Variants in PRKCA observed in about 807,000 individuals in gnomAD.
PRKCA encodes protein kinase C alpha, also known as protein kinase C alpha type.
In PRKCA, 27 loss-of-function variants were observed where a neutral mutation model predicts 87.0. That is an observed-to-expected ratio of 0.31 (90% CI 0.23 to 0.43). The LOEUF (loss-of-function observed/expected upper bound fraction) is 0.43. Ranked by LOEUF, PRKCA falls within the 20% of genes least tolerant of loss-of-function variation. The pLI, the probability that PRKCA is intolerant of heterozygous loss-of-function variation, is 1.00. For synonymous variants in PRKCA, 329 were observed against 311.1 expected (o/e 1.06, Z -0.61); for missense variants, 518 against 852.3 (o/e 0.61, Z 4.88).
chr17:66,450,824 G>A (rs1243751681), intron 2 of PRKCA, among the ~76,000 whole-genome samples: 1 of 152,170 alleles, frequency 6.6e-6, no homozygotes, highest in Non-Finnish European at 1.5e-5. Context: ...AAGCTGTGCT[G>A]AATTATTTTT....
chr17:66,755,914 C>A lies in PRKCA; in HGVS notation c.1524+13154C>A, dbSNP rs199645376. ...TGGAAAAATGAGGTAACAGGGCAAA[C>A]CACTGTCCCCAAAATTAGACAGACA... is the stretch of plus-strand genomic sequence containing the variant. On this transcript the variant is annotated intron_variant, in intron 13 of 16. Transcript: ENST00000413366. 2.6e-5 allele frequency among the ~76,000 whole-genome samples: 4 copies of A among 152,156 alleles called. No individual in the cohort carries two copies. In the East Asian group the frequency reaches 7.7e-4, roughly 29 times the overall value.
At chr17:66,749,535 C>T (rs1974383816) in intron 13 of PRKCA, among the ~76,000 whole-genome samples, 1 of 152,204 alleles carries the variant, frequency 6.6e-6, no homozygotes. Flanking sequence ...TTTCATGGCA[C>T]TCATCCCCCT....
At chr17:66,474,904 CCA>C (rs1267886894) in intron 2 of PRKCA, among the ~76,000 whole-genome samples, 2 of 152,166 alleles carry the variant, frequency 1.3e-5, no homozygotes, top group Non-Finnish European at 2.9e-5. Flanking sequence ...GCTCTGGTGA[CCA>C]CTCAGTCCTC....
intron 3 of PRKCA, among the ~76,000 whole-genome samples, chr17:66,602,838 G>GGA (rs1305910998): frequency 6.6e-6 from 1 of 152,070 alleles, no homozygotes; most frequent in African/African-American, 2.4e-5. Flanking sequence ...TGTGCGCTGT[G>GGA]GGGGAGCCAT....
Position 66,512,457 on chromosome 17 carries a change from A to AGTGTGTGT in PRKCA, c.288+16201_288+16208dup, listed in dbSNP as rs71160573. 4.0e-3 allele frequency among the ~76,000 whole-genome samples: 573 copies of AGTGTGTGT among 144,454 alleles called. 4 individuals are homozygous for AGTGTGTGT. The highest frequency in any genetic ancestry group is 0.026 in the South Asian group (111 of 4,298). 94.8% of individuals were successfully genotyped at this position (144,454 alleles called of 152,430 possible). A position where few individuals can be genotyped will look rare whatever the true frequency, so the allele number is the denominator to read the frequency against. On this transcript the variant is annotated intron_variant, in intron 3 of 16. Coordinates refer to ENST00000413366, the MANE Select transcript of PRKCA (RefSeq NM_002737.3). ...CCCTGTCTCCAACAACAACAAAAAA[A>AGTGTGTGT]GTGTGTGTGTGTGTGTGTGTGTGTG...
chr17:66,401,537 T>C (rs75901839), intron 2 of PRKCA, among the ~76,000 whole-genome samples: 1,897 of 152,258 alleles, frequency 0.012, 11 homozygotes, highest in South Asian at 0.029. Context: ...ACGCATTCAG[T>C]GATGTGGACG....
intron 2 of PRKCA, among the ~76,000 whole-genome samples, chr17:66,411,526 T>C (rs1911805077): frequency 6.6e-6 from 1 of 152,214 alleles, no homozygotes; most frequent in Admixed American, 6.5e-5. Context: ...ACAGCTATTC[T>C]CAAGGCATGG....
Position 66,375,471 on chromosome 17 carries a change from A to G in PRKCA, c.205+69344A>G, listed in dbSNP as rs138417515. On this transcript the variant is annotated intron_variant, in intron 2 of 16. Coordinates refer to ENST00000413366, the MANE Select transcript of PRKCA (RefSeq NM_002737.3). ...TGGAAGTGGAGTCGATGGTGCTTCTAGCTGATCCCCTTACCTCTGAATTTT... is the reference window on the plus strand; with the variant it reads ...TGGAAGTGGAGTCGATGGTGCTTCTGGCTGATCCCCTTACCTCTGAATTTT... Among the ~76,000 whole-genome samples the G allele has an allele frequency of 3.9e-5, 6 of 152,194 alleles. No homozygotes were observed. In the East Asian group the frequency reaches 1.2e-3, roughly 29 times the overall value.
chr17:66,473,478 C>G (rs1459125107), intron 2 of PRKCA, among the ~76,000 whole-genome samples: 1 of 152,200 alleles, frequency 6.6e-6, no homozygotes, highest in East Asian at 1.9e-4. Flanking sequence ...AAGAGGGTGT[C>G]TTGCAGCCTA....
At chr17:66,658,267 G>T (rs1971791766) in intron 5 of PRKCA, among the ~76,000 whole-genome samples, 1 of 152,096 alleles carries the variant, frequency 6.6e-6, no homozygotes, top group Non-Finnish European at 1.5e-5. Context: ...ATCACCTGAG[G>T]TCAAGAGTTC....
At chr17:66,376,796 C>G (rs1375380433) in intron 2 of PRKCA, among the ~76,000 whole-genome samples, 1 of 151,916 alleles carries the variant, frequency 6.6e-6, no homozygotes, top group Non-Finnish European at 1.5e-5. Flanking sequence ...GTGGGGGTCC[C>G]CATGTAAGTC....
intron 3 of PRKCA, among the ~76,000 whole-genome samples, chr17:66,596,092 T>C (rs894968672): frequency 2.6e-5 from 4 of 152,194 alleles, no homozygotes; most frequent in Non-Finnish European, 4.4e-5. Context: ...GGCTAGCACG[T>C]TGTCAGCAAC....
At chr17:66,332,704 T>TG (rs1357582186) in intron 2 of PRKCA, among the ~76,000 whole-genome samples, 1 of 151,242 alleles carries the variant, frequency 6.6e-6, no homozygotes, top group African/African-American at 2.4e-5. Flanking sequence ...AATTTTTTTT[T>TG]TTTTTGAGAT....
At chr17:66,571,376 C>G (rs908271569) in intron 3 of PRKCA, among the ~76,000 whole-genome samples, 1 of 152,036 alleles carries the variant, frequency 6.6e-6, no homozygotes, top group African/African-American at 2.4e-5. Flanking sequence ...TCGGTATATA[C>G]AAATATGTTT....
intron 2 of PRKCA, among the ~76,000 whole-genome samples, chr17:66,330,053 T>C (rs1906231511): frequency 1.3e-5 from 2 of 152,114 alleles, no homozygotes; most frequent in Admixed American, 1.3e-4. Flanking sequence ...GCTGGTCTGT[T>C]GGGTACTAAT....
At chr17:66,571,301 C>A (rs1009952979) in intron 3 of PRKCA, among the ~76,000 whole-genome samples, 8 of 152,178 alleles carry the variant, frequency 5.3e-5, no homozygotes, top group African/African-American at 1.9e-4. Flanking sequence ...GTTGAATATA[C>A]AGGAGAGGTG....
At chr17:66,443,691 G>A (rs1401297229) in intron 2 of PRKCA, among the ~76,000 whole-genome samples, 1 of 152,160 alleles carries the variant, frequency 6.6e-6, no homozygotes, top group Non-Finnish European at 1.5e-5. Context: ...TAGTCCTCAC[G>A]ATGACATGTG....
intron 3 of PRKCA, among the ~76,000 whole-genome samples, chr17:66,576,933 G>A (rs988674219): frequency 2.0e-5 from 3 of 149,734 alleles, no homozygotes; most frequent in Non-Finnish European, 4.4e-5. Flanking sequence ...GGAGTCCAGT[G>A]GTGCGATCTT....
chr17:66,800,436 A>C (rs1429655564), intron 16 of PRKCA, among the ~76,000 whole-genome samples: 1 of 152,098 alleles, frequency 6.6e-6, no homozygotes, highest in Non-Finnish European at 1.5e-5. Context: ...CCATTTTATC[A>C]CAGTACTTAG....
Sources: allele counts gnomAD v4.1 joint callset (sites outside exome capture counted in the v4.1 genomes callset), GRCh38; gene constraint gnomAD v4.1.1; transcripts MANE v1.5; gene names NCBI Gene and HGNC (gene_info 2026-07-23, HGNC 2026-07-21).